The following TUSC3 variants were observed in gnomAD, a reference collection of about 807,000 sequenced individuals.
TUSC3 encodes the protein dolichyl-diphosphooligosaccharide--protein glycosyltransferase subunit TUSC3.
In TUSC3, 45 loss-of-function variants were observed where a neutral mutation model predicts 44.8. The observed-to-expected ratio is 1.00, with a 90% CI of 0.79 to 1.29. The LOEUF (loss-of-function observed/expected upper bound fraction) is 1.29. Among genes scored for constraint, TUSC3 ranks in the 50% most tolerant of loss-of-function variants. TUSC3 has a pLI of 0.00. For synonymous variants in TUSC3, 212 were observed against 152.9 expected (o/e 1.39, Z -2.85); for missense variants, 519 against 437.9 (o/e 1.19, Z -1.65).
At chr8:15,649,790 ACT>A (rs1375141159) in intron 2 of TUSC3, among the ~76,000 whole-genome samples, 13 of 151,834 alleles carry the variant, frequency 8.6e-5, no homozygotes, top group African/African-American at 3.1e-4. Flanking sequence ...TCTGCTGCTG[ACT>A]CTGCTCCAAG....
At chr8:15,754,399 C>G (rs563245777) in intron 9 of TUSC3, among the ~76,000 whole-genome samples, 1 of 152,198 alleles carries the variant, frequency 6.6e-6, no homozygotes, top group African/African-American at 2.4e-5. Flanking sequence ...CTATCCTTGA[C>G]TTCCCCAATT....
chr8:15,808,336 A>C, the TUSC3 span, among the ~76,000 whole-genome samples: 4 of 152,276 alleles, frequency 2.6e-5, no homozygotes, highest in Non-Finnish European at 4.4e-5. Flanking sequence ...ATAATTGTTT[A>C]AAAAATGCTC....
intron 1 of TUSC3, among the ~76,000 whole-genome samples, chr8:15,618,021 C>G (rs1056252994): frequency 2.6e-5 from 4 of 152,124 alleles, no homozygotes; most frequent in Non-Finnish European, 5.9e-5. Flanking sequence ...ATTTATGTAT[C>G]TAACCACGTC....
chr8:15,453,213 T>C (rs1800215942), intron 1 of TUSC3, among the ~76,000 whole-genome samples: 1 of 151,892 alleles, frequency 6.6e-6, no homozygotes, highest in African/African-American at 2.4e-5. Context: ...TCTGTCCATA[T>C]GACTTCACAT....
At chr8:15,802,664 TTAC>T in the TUSC3 span, among the ~76,000 whole-genome samples, 10 of 126,254 alleles carry the variant, frequency 7.9e-5, no homozygotes, top group Admixed American at 7.6e-5. Flanking sequence ...ACAGGATTAA[TTAC>T]TTTTTTTTTT....
intron 1 of TUSC3, among the ~76,000 whole-genome samples, chr8:15,419,212 T>TA (rs1313038759): frequency 6.6e-6 from 1 of 152,164 alleles, no homozygotes; most frequent in Non-Finnish European, 1.5e-5. Context: ...TGTTCCACGA[T>TA]AAAAGATTTG....
chr8:15,536,223 A>G (rs1801519987), upstream of TUSC3, among the ~76,000 whole-genome samples: 1 of 152,198 alleles, frequency 6.6e-6, no homozygotes, highest in Admixed American at 6.5e-5. Context: ...GCAGCATGAG[A>G]AAGCAGAGGA....
chr8:15,491,752 G>C (rs941769223), intron 2 of TUSC3, among the ~76,000 whole-genome samples: 1 of 152,140 alleles, frequency 6.6e-6, no homozygotes, highest in Non-Finnish European at 1.5e-5. Flanking sequence ...CCAACGCAGA[G>C]ACATTTGCTG....
the TUSC3 span, among the ~76,000 whole-genome samples, chr8:15,811,513 A>G: frequency 6.6e-6 from 1 of 152,212 alleles, no homozygotes; most frequent in African/African-American, 2.4e-5. Context: ...CCAGCTGTCA[A>G]GGAGACTGGG....
At chr8:15,472,451 G>A (rs141581992) in intron 1 of TUSC3, among the ~76,000 whole-genome samples, 1 of 152,240 alleles carries the variant, frequency 6.6e-6, no homozygotes, top group Non-Finnish European at 1.5e-5. Context: ...GGTGACTTTT[G>A]AAGGTCTGAG....
At chr8:15,635,692 T>TG (rs1806037314) in intron 2 of TUSC3, among the ~76,000 whole-genome samples, 1 of 152,132 alleles carries the variant, frequency 6.6e-6, no homozygotes. Flanking sequence ...TAAGAACAGA[T>TG]GCGTATGATG....
At chr8:15,549,056 T>G (rs986196865) in intron 1 of TUSC3, among the ~76,000 whole-genome samples, 1 of 151,882 alleles carries the variant, frequency 6.6e-6, no homozygotes, top group African/African-American at 2.4e-5. Flanking sequence ...GGAAATAAAT[T>G]TAATATGTAC....
chr8:15,846,094 TG>T, the TUSC3 span, among the ~76,000 whole-genome samples: 7 of 152,232 alleles, frequency 4.6e-5, no homozygotes, highest in Non-Finnish European at 7.4e-5. Flanking sequence ...CTGGCTTCCA[TG>T]ATTCAATTAC....
chr8:15,645,811 T>C (rs1806599614), intron 2 of TUSC3, among the ~76,000 whole-genome samples: 1 of 152,054 alleles, frequency 6.6e-6, no homozygotes, highest in Admixed American at 6.5e-5. Context: ...CATTTTTTCT[T>C]CCCCTCAACA....
Position 15,764,554 on chromosome 8 carries a change from G to A in TUSC3, c.*398G>A, listed in dbSNP as rs541767043. The A allele has an allele frequency of 1.3e-4, 35 of 269,040 alleles. No individual in the cohort carries two copies. The highest frequency in any genetic ancestry group is 6.2e-4 in the East Asian group (7 of 11,338). The allele number at this position is 269,040 out of a possible 1,614,324, so 16.7% of individuals were successfully genotyped here. A position where few individuals can be genotyped will look rare whatever the true frequency, so the allele number is the denominator to read the frequency against. On this transcript the variant is annotated 3_prime_UTR_variant, in exon 11 of 11. Transcript: ENST00000503731. The stretch of plus-strand genomic sequence containing the variant: ...TGTTAGTAAAGAAAACCTATGAAAT[G>A]TATGTTAAAGATTCTTAGTATTGTA...
At position 15,592,346 on chromosome 8, in the gene TUSC3, C is replaced by T. The variant is rs570158077; in HGVS notation, c.139-30734C>T. ...TTTTCTGTGTGAATAGCACTTGATA[C>T]GGTTTGGATATTTGTCCGCTCCAAA... On this transcript the variant is annotated intron_variant, in intron 1 of 10. Transcript: ENST00000503731. Among the ~76,000 whole-genome samples, 8 of 152,248 alleles carry T rather than the reference C, an allele frequency of 5.3e-5. No homozygotes were observed. The South Asian group carries it at 8.3e-4, about 16-fold the overall frequency.
chr8:15,472,982 C>G (rs1208004438), intron 1 of TUSC3, among the ~76,000 whole-genome samples: 1 of 152,156 alleles, frequency 6.6e-6, no homozygotes, highest in African/African-American at 2.4e-5. Flanking sequence ...CTAAAGTTTT[C>G]TAACCAGCAA....
chr8:15,753,478 C>G (rs1161917019), intron 9 of TUSC3, among the ~76,000 whole-genome samples: 1 of 152,044 alleles, frequency 6.6e-6, no homozygotes, highest in Non-Finnish European at 1.5e-5. Context: ...CAGTATCCTC[C>G]TAAACCAACA....
At chr8:15,784,175 ATT>A in the TUSC3 span, among the ~76,000 whole-genome samples, 2 of 152,178 alleles carry the variant, frequency 1.3e-5, no homozygotes, top group African/African-American at 4.8e-5. Flanking sequence ...ATTGCCTATG[ATT>A]TTTAAACAAT....
Sources: gnomAD v4.1 joint callset for allele counts (sites outside exome capture counted in the v4.1 genomes callset) on GRCh38, gnomAD v4.1.1 for gene constraint, MANE v1.5 for transcripts, NCBI Gene and HGNC (gene_info 2026-07-23, HGNC 2026-07-21) for gene names.